The following SH3PXD2A variants were observed in gnomAD, a reference collection of about 807,000 sequenced individuals.
SH3PXD2A encodes the protein SH3 and PX domain-containing protein 2A.
In SH3PXD2A, 32 loss-of-function variants were observed where a neutral mutation model predicts 115.2. The observed-to-expected ratio is 0.28, with a 90% CI of 0.21 to 0.37. The LOEUF is 0.37. Among genes scored for constraint, SH3PXD2A ranks in the 10% least tolerant of loss-of-function variants. The pLI is 1.00. For missense variants in SH3PXD2A, 1,328 were observed against 1,498.7 expected, an observed-to-expected ratio of 0.89 and a Z score of 1.88; for synonymous variants, 610 against 629.1, an observed-to-expected ratio of 0.97 and a Z score of 0.45.
At chr10:103,692,802 C>A (rs989610535) in intron 6 of SH3PXD2A, among the ~76,000 whole-genome samples, 1 of 152,134 alleles carries the variant, frequency 6.6e-6, no homozygotes, top group Non-Finnish European at 1.5e-5. Context: ...GGAGCCCGAG[C>A]GAGTCGGTGG....
At position 103,650,398 on chromosome 10, in the gene SH3PXD2A, G is replaced by A. The variant is rs563654096; in HGVS notation, c.604+10585C>T. On this transcript the variant is annotated intron_variant, in intron 8 of 14. Coordinates refer to ENST00000369774, the MANE Select transcript of SH3PXD2A (RefSeq NM_001394015.1). ...CTCCGCTATCCCTCAGCCCCTCAGCGCAATGGGGAAGAACAGAGGAAAAGC... is the reference window on the plus strand; with the variant it reads ...CTCCGCTATCCCTCAGCCCCTCAGCACAATGGGGAAGAACAGAGGAAAAGC... Among the ~76,000 whole-genome samples the A allele has an allele frequency of 7.2e-5, 11 of 152,316 alleles. No homozygotes were observed. In the East Asian group the frequency reaches 1.7e-3, roughly 24 times the overall value.
chr10:103,678,467 C>T (rs2037569205), intron 6 of SH3PXD2A, among the ~76,000 whole-genome samples: 1 of 152,230 alleles, frequency 6.6e-6, no homozygotes, highest in South Asian at 2.1e-4. Flanking sequence ...CCTTCAGCAC[C>T]ACAGCTCGGC....
At chr10:103,646,387 T>C (rs1377458803) in intron 8 of SH3PXD2A, among the ~76,000 whole-genome samples, 3 of 152,142 alleles carry the variant, frequency 2.0e-5, no homozygotes, top group Admixed American at 6.5e-5. Context: ...ACTCCCCTAG[T>C]CCAGATACCC....
intron 2 of SH3PXD2A, among the ~76,000 whole-genome samples, chr10:103,769,595 C>T (rs926472340): frequency 1.3e-5 from 2 of 152,002 alleles, no homozygotes; most frequent in African/African-American, 4.8e-5. Context: ...CCACGCCTGG[C>T]TAACATTTGT....
intron 8 of SH3PXD2A, among the ~76,000 whole-genome samples, chr10:103,630,450 T>C (rs921906872): frequency 6.6e-6 from 1 of 152,150 alleles, no homozygotes; most frequent in African/African-American, 2.4e-5. Context: ...GATTAGTCTG[T>C]CATCTCTCTG....
chr10:103,628,978 C>T (rs563141942), intron 8 of SH3PXD2A, among the ~76,000 whole-genome samples: 2 of 152,352 alleles, frequency 1.3e-5, no homozygotes, highest in South Asian at 2.1e-4. Flanking sequence ...CACTGTGGCA[C>T]TGAGGGGCTG....
At chr10:103,622,419 C>A in intron 10 of SH3PXD2A, 51 bp downstream of exon 10, 1 of 1,191,130 alleles carries the variant, frequency 8.4e-7, no homozygotes. Flanking sequence ...GCAGTGTTAG[C>A]GAGAGACAGG....
Position 103,603,793 on chromosome 10 carries a change from G to T in SH3PXD2A, c.1429-4C>A. 1 of 1,596,786 alleles carries T rather than the reference G, an allele frequency of 6.3e-7. No homozygotes were observed. On this transcript the variant is annotated splice_polypyrimidine_tract_variant and splice_region_variant and intron_variant, in intron 14 of 14. Transcript: ENST00000369774. Reference sequence around the variant, plus strand: ...CACCTGAGTTCTTATCAATGACCTGGGGTACGAGTGCAGACAAGCCAGTGA... The same window carrying T: ...CACCTGAGTTCTTATCAATGACCTGTGGTACGAGTGCAGACAAGCCAGTGA...
chr10:103,771,720 G>T, intron 2 of SH3PXD2A, among the ~76,000 whole-genome samples: 1 of 150,896 alleles, frequency 6.6e-6, no homozygotes, highest in Middle Eastern at 3.2e-3. Context: ...GGGCAACAGA[G>T]CGAGACTCCG....
At chr10:103,844,859 G>T (rs1842826140) in intron 1 of SH3PXD2A, among the ~76,000 whole-genome samples, 1 of 152,186 alleles carries the variant, frequency 6.6e-6, no homozygotes, top group Admixed American at 6.5e-5. Context: ...TCAATATGTG[G>T]TAGCTGTGTC....
At chr10:103,654,446 GC>G (rs1208219146) in intron 8 of SH3PXD2A, among the ~76,000 whole-genome samples, 3 of 152,108 alleles carry the variant, frequency 2.0e-5, no homozygotes, top group Non-Finnish European at 4.4e-5. Context: ...AGAGAAACTG[GC>G]CCCCTGCAGG....
chr10:103,789,792 G>A (rs115868186), intron 2 of SH3PXD2A, among the ~76,000 whole-genome samples: 1,542 of 152,288 alleles, frequency 0.01, 29 homozygotes, highest in African/African-American at 0.035. Context: ...TCCCTGACGT[G>A]ACACCCAAAC....
At position 103,746,302 on chromosome 10, in the gene SH3PXD2A, ATTTC is replaced by A. The variant is rs1462325586; in HGVS notation, c.230-10498_230-10495del. ...ATTCTAGAGCAGTGGGACCAGAACCATTTCTTTCTTTTTTATTTTTATTTATTTA... is the reference window on the plus strand; with the variant it reads ...ATTCTAGAGCAGTGGGACCAGAACCATTTCTTTTTTATTTTTATTTATTTA... On this transcript the variant is annotated intron_variant, in intron 3 of 14. Coordinates refer to ENST00000369774, the MANE Select transcript of SH3PXD2A (RefSeq NM_001394015.1). The surrounding 1 kb of genome is among the most constrained non-coding windows in gnomAD (Gnocchi z 4.4). 1.3e-5 allele frequency: 2 copies of A among 152,074 alleles called. No homozygotes were observed. The highest frequency in any genetic ancestry group is 2.4e-5 in the African/African-American group (1 of 41,398). 9.4% of individuals were successfully genotyped at this position (152,074 alleles called of 1,614,324 possible). A position where few individuals can be genotyped will look rare whatever the true frequency, so the allele number is the denominator to read the frequency against.
intron 1 of SH3PXD2A, among the ~76,000 whole-genome samples, chr10:103,845,431 G>A (rs972724016): frequency 7.3e-5 from 11 of 151,666 alleles, no homozygotes; most frequent in African/African-American, 2.4e-4. Context: ...AGATGGCAAC[G>A]AGAGTGACCT....
chr10:103,819,648 G>A lies in SH3PXD2A; in HGVS notation c.73-18286C>T, dbSNP rs532880433. ...TTTCTTCGGTGGAGAACTTGGCATA[G>A]TTTGGGATTGGAGAGAGAGGCGAGA... is the stretch of plus-strand genomic sequence containing the variant. On this transcript the variant is annotated intron_variant, in intron 1 of 14. Transcript: ENST00000369774. 3.7e-4 allele frequency among the ~76,000 whole-genome samples: 57 copies of A among 152,284 alleles called. 1 individual carries two copies. The South Asian group carries it at 0.012, about 32-fold the overall frequency.
At chr10:103,710,782 A>G (rs147609202) in intron 5 of SH3PXD2A, among the ~76,000 whole-genome samples, 2 of 152,182 alleles carry the variant, frequency 1.3e-5, no homozygotes, top group Admixed American at 1.3e-4. Context: ...AGGTGGGGTT[A>G]AAAGATTGCC....
At chr10:103,762,014 CTT>C (rs79615908) in intron 3 of SH3PXD2A, among the ~76,000 whole-genome samples, 1,072 of 90,422 alleles carry the variant, frequency 0.012, 14 homozygotes, top group African/African-American at 0.039. Context: ...ATCAACACGT[CTT>C]TTTTTTTTTT....
At chr10:103,632,247 G>A (rs746487226) in intron 8 of SH3PXD2A, among the ~76,000 whole-genome samples, 3 of 152,170 alleles carry the variant, frequency 2.0e-5, no homozygotes, top group Admixed American at 1.3e-4. Context: ...AGATCCTGTG[G>A]GAAAGAAAAC....
intron 1 of SH3PXD2A, among the ~76,000 whole-genome samples, chr10:103,824,385 A>G (rs1452018575): frequency 6.6e-6 from 1 of 152,110 alleles, no homozygotes. Context: ...GCAGTCCCGA[A>G]CTCAGCCCTT....
Sources: gnomAD v4.1 joint callset for allele counts (sites outside exome capture counted in the v4.1 genomes callset) on GRCh38, gnomAD v4.1.1 for gene constraint, Gnocchi (gnomAD v3.1) non-coding constraint, MANE v1.5 for transcripts, NCBI Gene and HGNC (gene_info 2026-07-23, HGNC 2026-07-21) for gene names.